KIAA1958: variants seen among roughly 807,000 people sequenced by gnomAD.
KIAA1958 encodes uncharacterized protein KIAA1958.
KIAA1958 carries 14 observed loss-of-function variants against 47.2 expected under a neutral mutation model. The ratio of observed to expected loss-of-function variants is 0.30; its 90% CI spans 0.20 to 0.46. The LOEUF (loss-of-function observed/expected upper bound fraction) is 0.46. Ranked by LOEUF, KIAA1958 falls within the 20% of genes least tolerant of loss-of-function variation. KIAA1958 has a pLI of 1.00. For missense variants in KIAA1958, 803 were observed against 909.2 expected (o/e 0.88, Z 1.50); for synonymous variants, 354 against 353.3 (o/e 1.00, Z -0.02).
rs1433379018 is a variant in KIAA1958, at chr9:112,661,336, A to T, written c.*1267A>T. 1 of 152,202 alleles carries T rather than the reference A, an allele frequency of 6.6e-6. No homozygotes were observed. The highest frequency in any genetic ancestry group is 1.5e-5 in the Non-Finnish European group (1 of 68,036). The allele number at this position is 152,202 out of a possible 1,614,324, so 9.4% of individuals were successfully genotyped here. ...AAATCAGCAGAATTTTCTAATAACTACTCTGAGTGCAACAACAAGTGAAAA... is the reference window on the plus strand; with the variant it reads ...AAATCAGCAGAATTTTCTAATAACTTCTCTGAGTGCAACAACAAGTGAAAA... On this transcript the variant is annotated 3_prime_UTR_variant, in exon 4 of 4. Coordinates refer to ENST00000337530, the MANE Select transcript of KIAA1958 (RefSeq NM_133465.4).
Position 112,660,283 on chromosome 9 carries a change from C to G in KIAA1958, c.*214C>G, listed in dbSNP as rs1287205255. 3.5e-6 allele frequency: 2 copies of G among 567,372 alleles called. No homozygotes were observed. The highest frequency in any genetic ancestry group is 2.8e-5 in the East Asian group (1 of 35,314). The allele number at this position is 567,372 out of a possible 1,614,324, so 35.1% of individuals were successfully genotyped here. A position where few individuals can be genotyped will look rare whatever the true frequency, so the allele number is the denominator to read the frequency against. The stretch of plus-strand genomic sequence containing the variant: ...CATTCGGATGGTTTATCCAAATGTG[C>G]GTCAACTTCGTTAGCTTTTAGAATC... On this transcript the variant is annotated 3_prime_UTR_variant, in exon 4 of 4. Transcript: ENST00000337530.
chr9:112,604,111 G>C (rs563257078), intron 2 of KIAA1958, among the ~76,000 whole-genome samples: 3 of 152,104 alleles, frequency 2.0e-5, no homozygotes, highest in Admixed American at 6.6e-5. Context: ...GAAGCAAATG[G>C]ATCTGAATTT....
chr9:112,659,132 G>A, intron 3 of KIAA1958, 131 bp from the exon 4 acceptor site: 1 of 720,288 alleles, frequency 1.4e-6, no homozygotes. Flanking sequence ...GAAATTCACT[G>A]TTCTTTCCAT....
In KIAA1958 at chr9:112,489,838, G is replaced by T. The variant is rs554220863; in HGVS notation, c.-25+2720G>T. On this transcript the variant is annotated intron_variant, in intron 1 of 3. Coordinates refer to ENST00000337530, the MANE Select transcript of KIAA1958 (RefSeq NM_133465.4). ...TTTTCTAGCATTTTCCTGTTTATTG[G>T]TTATCAATGTAGTATCATTACAAGA... Among the ~76,000 whole-genome samples the T allele has an allele frequency of 2.6e-5, 4 of 152,114 alleles. No homozygotes were observed. In the East Asian group the frequency reaches 5.8e-4, roughly 22 times the overall value.
intron 2 of KIAA1958, among the ~76,000 whole-genome samples, chr9:112,630,664 T>C (rs1836694506): frequency 6.6e-6 from 1 of 152,196 alleles, no homozygotes; most frequent in Non-Finnish European, 1.5e-5. Flanking sequence ...AATTATTAAG[T>C]TGGTTAACTT....
In KIAA1958 at chr9:112,574,500, T is replaced by C. The variant is rs1347679369; in HGVS notation, c.420T>C (p.Asp140=). ...ELDETVEEYE[D]ENTLFDMVCE... ...ATGAAACTGTTGAAGAATATGAAGA[T>C]GAGAACACCCTGTTTGACATGGTTT... Residue 140 remains aspartate (D), a synonymous_variant, in exon 2 of 4, where the codon GAT becomes GAC. Coordinates refer to ENST00000337530, the MANE Select transcript of KIAA1958 (RefSeq NM_133465.4). 3.1e-6 allele frequency: 5 copies of C among 1,613,980 alleles called. No individual in the cohort carries two copies. In the African/African-American group the frequency reaches 6.7e-5, roughly 22 times the overall value.
intron 1 of KIAA1958, among the ~76,000 whole-genome samples, chr9:112,506,391 G>T (rs1180907891): frequency 6.6e-6 from 1 of 152,172 alleles, no homozygotes; most frequent in Non-Finnish European, 1.5e-5. Context: ...GGGAGGCAGA[G>T]CTTGCAGTGA....
At chr9:112,617,438 C>G (rs2131215953) in intron 2 of KIAA1958, among the ~76,000 whole-genome samples, 1 of 152,278 alleles carries the variant, frequency 6.6e-6, no homozygotes, top group African/African-American at 2.4e-5. Context: ...TAGTTTAATT[C>G]AATAAAATGG....
rs536301751 is a variant in KIAA1958 at position 112,493,465 on chromosome 9, T to C, written c.-25+6347T>C. 4.6e-5 allele frequency among the ~76,000 whole-genome samples: 7 copies of C among 152,348 alleles called. No individual in the cohort carries two copies. In the South Asian group the frequency reaches 1.5e-3, roughly 32 times the overall value. On this transcript the variant is annotated intron_variant, in intron 1 of 3. Transcript: ENST00000337530. ...TCCCAGTCCAGAAATTTAGGAGTTATCTCTGATTCCTTCTTTATTCTTAAT... is the reference window on the plus strand; with the variant it reads ...TCCCAGTCCAGAAATTTAGGAGTTACCTCTGATTCCTTCTTTATTCTTAAT...
chr9:112,634,385 T>C (rs955348827), intron 2 of KIAA1958, among the ~76,000 whole-genome samples: 1 of 151,980 alleles, frequency 6.6e-6, no homozygotes, highest in African/African-American at 2.4e-5. Flanking sequence ...CACACCACCA[T>C]GCCCGGCTAA....
At chr9:112,588,495 C>A (rs1174633780) in intron 2 of KIAA1958, among the ~76,000 whole-genome samples, 1 of 151,974 alleles carries the variant, frequency 6.6e-6, no homozygotes, top group Non-Finnish European at 1.5e-5. Flanking sequence ...TTTTATGTTC[C>A]GCAAAGAAAG....
chr9:112,576,718 C>T (rs1835652547), intron 2 of KIAA1958, among the ~76,000 whole-genome samples: 1 of 152,058 alleles, frequency 6.6e-6, no homozygotes, highest in African/African-American at 2.4e-5. Context: ...TATGACTATA[C>T]CATATTTTAT....
chr9:112,648,545 CTG>C (rs1440012832), intron 3 of KIAA1958, among the ~76,000 whole-genome samples: 2 of 152,218 alleles, frequency 1.3e-5, no homozygotes, highest in Non-Finnish European at 1.5e-5. Context: ...GAATTGGAAA[CTG>C]TACCTGTTCC....
At position 112,615,419 on chromosome 9, in the gene KIAA1958, CAAA is replaced by C. The variant is rs35748661; in HGVS notation, c.1172-30216_1172-30214del. On this transcript the variant is annotated intron_variant, in intron 2 of 3. Coordinates refer to ENST00000337530, the MANE Select transcript of KIAA1958 (RefSeq NM_133465.4). Reference sequence around the variant, plus strand: ...TGGGTGACAGAGCAAGGCTCCGTCTCAAAAAAAAAAAAAAAAAGAGGAGCAACT... The same window carrying C: ...TGGGTGACAGAGCAAGGCTCCGTCTCAAAAAAAAAAAAAAGAGGAGCAACT... Among the ~76,000 whole-genome samples the C allele has an allele frequency of 8.6e-3, 886 of 103,514 alleles. 5 individuals carry two copies. The highest frequency in any genetic ancestry group is 0.034 in the Middle Eastern group (7 of 204). The allele number at this position is 103,514 out of a possible 152,430, so 67.9% of individuals were successfully genotyped here.
At position 112,551,035 on chromosome 9, in the gene KIAA1958, TG is replaced by T. The variant is rs558331255; in HGVS notation, c.-24-23021del. Among the ~76,000 whole-genome samples, 533 of 151,282 alleles carry T rather than the reference TG, an allele frequency of 3.5e-3. 5 individuals are homozygous for T. Among genetic ancestry groups the T allele is most frequent in the African/African-American group, 0.012 (495 of 41,302 alleles). On this transcript the variant is annotated intron_variant, in intron 1 of 3. Transcript: ENST00000337530. ...ATGAATTAACACTTTACTGCATAGT[TG>T]TTTTTTTTTTTTTTTTAAGTTAGGG...
intron 2 of KIAA1958, among the ~76,000 whole-genome samples, chr9:112,594,481 T>TTGTACAATAGG (rs1204159238): frequency 8.5e-5 from 13 of 152,342 alleles, no homozygotes; most frequent in Non-Finnish European, 1.6e-4. Flanking sequence ...GTAAGTGCAA[T>TTGTACAATAGG]TGTACAATAG....
rs11787877 is a variant in KIAA1958, at chr9:112,662,652, C to T, written c.*2583C>T. 13,008 of 152,260 alleles carry T rather than the reference C, an allele frequency of 0.085. 704 individuals are homozygous for T. Among genetic ancestry groups the T allele is most frequent in the Non-Finnish European group, 0.12 (8,280 of 68,088 alleles). The allele number at this position is 152,260 out of a possible 1,614,324, so 9.4% of individuals were successfully genotyped here. A position where few individuals can be genotyped will look rare whatever the true frequency, so the allele number is the denominator to read the frequency against. On this transcript the variant is annotated 3_prime_UTR_variant, in exon 4 of 4. Coordinates refer to ENST00000337530, the MANE Select transcript of KIAA1958 (RefSeq NM_133465.4). ...ACTAAAAATACAAAAATTAGCCGGGCGTGGTGGCAGGTGCCTGTAATCCCA... is the reference window on the plus strand; with the variant it reads ...ACTAAAAATACAAAAATTAGCCGGGTGTGGTGGCAGGTGCCTGTAATCCCA...
intron 2 of KIAA1958, among the ~76,000 whole-genome samples, chr9:112,635,744 C>T (rs554844093): frequency 6.6e-6 from 1 of 152,132 alleles, no homozygotes; most frequent in Admixed American, 6.5e-5. Flanking sequence ...ACATGTTTTT[C>T]ATTTCTGGTG....
chr9:112,637,612 G>A (rs997769858), intron 2 of KIAA1958, among the ~76,000 whole-genome samples: 6 of 151,798 alleles, frequency 4.0e-5, no homozygotes, highest in African/African-American at 1.2e-4. Flanking sequence ...TCCAAACCTC[G>A]TGATCTGCCC....
Sources: gnomAD v4.1 joint callset for allele counts (sites outside exome capture counted in the v4.1 genomes callset) on GRCh38, gnomAD v4.1.1 for gene constraint, MANE v1.5 for transcripts, NCBI Gene and HGNC (gene_info 2026-07-23, HGNC 2026-07-21) for gene names.